The following PRKN variants were observed in gnomAD, a reference collection of about 807,000 sequenced individuals.
The protein encoded by PRKN is E3 ubiquitin-protein ligase parkin.
Under a neutral mutation model 59.5 loss-of-function variants are expected in PRKN, and 56 were observed. The ratio of observed to expected loss-of-function variants is 0.94; its 90% CI spans 0.76 to 1.18. PRKN has a LOEUF of 1.18. Ranked by LOEUF, PRKN falls within the 50% of genes most tolerant of loss-of-function variation. The pLI is 0.00. For missense variants in PRKN, 657 were observed against 596.4 expected, an observed-to-expected ratio of 1.10 and a Z score of -1.06; for synonymous variants, 250 against 222.1, an observed-to-expected ratio of 1.13 and a Z score of -1.12.
chr6:162,232,800 T>G (rs1778479057), intron 3 of PRKN, among the ~76,000 whole-genome samples: 1 of 152,178 alleles, frequency 6.6e-6, no homozygotes, highest in African/African-American at 2.4e-5. Flanking sequence ...GTTACAGGAC[T>G]GTTTAATGCC....
chr6:161,904,170 T>A (rs1778041236), intron 6 of PRKN, among the ~76,000 whole-genome samples: 1 of 152,026 alleles, frequency 6.6e-6, no homozygotes, highest in Non-Finnish European at 1.5e-5. Flanking sequence ...TTGGATTAAT[T>A]AAAAAATAAT....
chr6:162,566,614 A>G (rs1780092162), intron 1 of PRKN, among the ~76,000 whole-genome samples: 1 of 152,174 alleles, frequency 6.6e-6, no homozygotes, highest in African/African-American at 2.4e-5. Flanking sequence ...CAGACCAATA[A>G]CAAGTAACAA....
At chr6:161,524,802 C>T (rs1778959072) in intron 9 of PRKN, among the ~76,000 whole-genome samples, 1 of 152,090 alleles carries the variant, frequency 6.6e-6, no homozygotes, top group Admixed American at 6.5e-5. Flanking sequence ...TATACCTTCA[C>T]CTCTTATCAG....
chr6:161,600,678 A>G (rs1161819979), intron 7 of PRKN, among the ~76,000 whole-genome samples: 1 of 152,176 alleles, frequency 6.6e-6, no homozygotes, highest in East Asian at 1.9e-4. Flanking sequence ...TTTTTACCTA[A>G]GACAAGGCAT....
At chr6:162,423,988 T>C (rs1036004695) in intron 2 of PRKN, among the ~76,000 whole-genome samples, 3 of 152,194 alleles carry the variant, frequency 2.0e-5, no homozygotes, top group African/African-American at 7.2e-5. Flanking sequence ...TGCCAAAGTT[T>C]GGAAGCAACC....
At chr6:161,509,879 C>CAA (rs1175501223) in intron 9 of PRKN, among the ~76,000 whole-genome samples, 685 of 49,308 alleles carry the variant, frequency 0.014, 19 homozygotes, top group African/African-American at 0.038. Flanking sequence ...GACTCCATCT[C>CAA]AAAAAAAAAA....
chr6:161,661,058 C>A (rs752846182), intron 7 of PRKN, among the ~76,000 whole-genome samples: 3 of 152,188 alleles, frequency 2.0e-5, no homozygotes, highest in Non-Finnish European at 1.5e-5. Flanking sequence ...ACGCCCACTG[C>A]TGGTGGAAAC....
rs576367486 is a variant in PRKN, at chr6:162,585,752, G to T, written c.7+141910C>A. ...AGTTTTGCTCTTGTCGCCCAAGCTG[G>T]AGTGCAATGGTGTGATCTCGGCTCA... On this transcript the variant is annotated intron_variant, in intron 1 of 11. Transcript: ENST00000366898. 2.0e-5 allele frequency among the ~76,000 whole-genome samples: 3 copies of T among 151,988 alleles called. No homozygotes were observed. The South Asian group carries it at 6.3e-4, about 32-fold the overall frequency.
chr6:162,316,360 C>T (rs1211690870), intron 2 of PRKN, among the ~76,000 whole-genome samples: 2 of 151,954 alleles, frequency 1.3e-5, no homozygotes, highest in African/African-American at 4.8e-5. Flanking sequence ...GTTGGCTTTG[C>T]CCCTACTCAC....
intron 4 of PRKN, among the ~76,000 whole-genome samples, chr6:162,130,142 C>T (rs1326160478): frequency 1.3e-5 from 2 of 152,150 alleles, no homozygotes; most frequent in Non-Finnish European, 2.9e-5. Flanking sequence ...CAGGAATCTA[C>T]CACTCTGCAG....
chr6:162,104,470 A>T (rs1204772530), intron 4 of PRKN, among the ~76,000 whole-genome samples: 1 of 152,238 alleles, frequency 6.6e-6, no homozygotes, highest in Non-Finnish European at 1.5e-5. Context: ...AGAAATGCCA[A>T]GATGCACAAA....
chr6:162,083,323 A>C (rs1779132227), intron 4 of PRKN, among the ~76,000 whole-genome samples: 1 of 152,142 alleles, frequency 6.6e-6, no homozygotes, highest in Non-Finnish European at 1.5e-5. Flanking sequence ...AAAATGTGAT[A>C]CTGAGACATG....
At chr6:162,003,684 G>T (rs1466717843) in intron 5 of PRKN, among the ~76,000 whole-genome samples, 1 of 152,106 alleles carries the variant, frequency 6.6e-6, no homozygotes, top group Non-Finnish European at 1.5e-5. Context: ...ACCATAACTT[G>T]TTTATGCATT....
chr6:161,591,187 A>T (rs1781711830), intron 7 of PRKN, among the ~76,000 whole-genome samples: 3 of 152,360 alleles, frequency 2.0e-5, no homozygotes, highest in African/African-American at 7.2e-5. Context: ...GAAGAAACAA[A>T]TGTGGTCAGT....
At chr6:161,684,058 T>C (rs1385146290) in intron 7 of PRKN, among the ~76,000 whole-genome samples, 1 of 152,194 alleles carries the variant, frequency 6.6e-6, no homozygotes, top group Non-Finnish European at 1.5e-5. Flanking sequence ...ATATTCTAAG[T>C]ATTTTAAAAA....
chr6:162,517,793 T>C (rs189877864), intron 1 of PRKN, among the ~76,000 whole-genome samples: 38 of 152,192 alleles, frequency 2.5e-4, no homozygotes, highest in Non-Finnish European at 4.6e-4. Context: ...GGGTTTTATG[T>C]TATCTCAAAA....
chr6:161,844,020 A>G (rs1793098451), intron 6 of PRKN, among the ~76,000 whole-genome samples: 1 of 152,140 alleles, frequency 6.6e-6, no homozygotes, highest in Non-Finnish European at 1.5e-5. Context: ...GAAGATGCAG[A>G]TGAAGGACCC....
chr6:162,056,420 G>A lies in PRKN; in HGVS notation c.535-2246C>T, dbSNP rs995621461. Among the ~76,000 whole-genome samples the A allele has an allele frequency of 3.3e-5, 5 of 152,060 alleles. No homozygotes were observed. Among genetic ancestry groups the A allele is most frequent in the Non-Finnish European group, 7.4e-5 (5 of 67,992 alleles). Reference sequence around the variant, plus strand: ...ACTATTCTAGAGAAAAGTCGGGGACGCAGAGCAGTTCTCCAGGCCTGAGCC... The same window carrying A: ...ACTATTCTAGAGAAAAGTCGGGGACACAGAGCAGTTCTCCAGGCCTGAGCC... On this transcript the variant is annotated intron_variant, in intron 4 of 11. Transcript: ENST00000366898. The surrounding 1 kb of genome is among the most constrained non-coding windows in gnomAD (Gnocchi z 4.9).
At chr6:162,151,448 T>C (rs1782267078) in intron 4 of PRKN, among the ~76,000 whole-genome samples, 2 of 152,222 alleles carry the variant, frequency 1.3e-5, no homozygotes, top group Admixed American at 1.3e-4. Flanking sequence ...TCCCAGTCCC[T>C]TTCTTAAAAT....
Sources: allele counts gnomAD v4.1 joint callset (sites outside exome capture counted in the v4.1 genomes callset), GRCh38; gene constraint gnomAD v4.1.1; non-coding constraint Gnocchi (gnomAD v3.1); transcripts MANE v1.5; gene names NCBI Gene and HGNC (gene_info 2026-07-23, HGNC 2026-07-21).